The following MSL3 variants were observed in gnomAD, a reference collection of about 807,000 sequenced individuals.
MSL3 encodes MSL3-like 1.
Under a neutral mutation model 37.2 loss-of-function variants are expected in MSL3, and 5 were observed. The observed-to-expected ratio is 0.13, with a 90% CI of 0.07 to 0.28. MSL3 has a LOEUF of 0.28. Ranked by LOEUF, MSL3 falls within the 10% of genes least tolerant of loss-of-function variation. MSL3 has a pLI of 1.00. For missense variants in MSL3, 315 were observed against 408.5 expected, an observed-to-expected ratio of 0.77 and a Z score of 1.97; for synonymous variants, 149 against 147.6, an observed-to-expected ratio of 1.01 and a Z score of -0.07.
rs146886068 is a variant in MSL3 at position 11,766,669 on chromosome X, T to C, written c.1171+940T>C. The C allele has an allele frequency of 1.1e-3, 824 of 752,530 alleles. 5 individuals carry two copies. In the African/African-American group the frequency reaches 0.017, roughly 15 times the overall value. The allele number at this position is 752,530 out of a possible 1,213,427, so 62.0% of individuals were successfully genotyped here. A position where few individuals can be genotyped will look rare whatever the true frequency, so the allele number is the denominator to read the frequency against. On this transcript the variant is annotated intron_variant, in intron 9 of 12. Transcript: ENST00000312196. ...CCTGGTGCCTCGCGGGCTCAGTGAG[T>C]TAGGAAGTCAGCAGCAGGGGAGGCA... is the stretch of plus-strand genomic sequence containing the variant.
chrX:11,762,889 T>G lies in MSL3; in HGVS notation c.641T>G (p.Val214Gly). ...ATCATAACGATTTTGGAATCCTATG[T>G]GAAGCATTTTGCTATCAATGCAGCC... The part of the protein sequence containing the change: ...TNIITILESY[V>G]KHFAINAAFS... The change falls in exon 7 of 13, where the codon GTG (valine) becomes GGG (glycine). Residue 214 changes from valine (V) to glycine (G), a missense_variant. Coordinates refer to ENST00000312196, the MANE Select transcript of MSL3 (RefSeq NM_078629.4). 8.3e-7 allele frequency: 1 copy of G among 1,210,356 alleles called. No homozygotes were observed. Among genetic ancestry groups the G allele is most frequent in the Non-Finnish European group, 1.1e-6 (1 of 894,449 alleles).
chrX:11,760,352 G>T (rs6530452), intron 2 of MSL3, 51 bp from the exon 3 acceptor site: 150,623 of 903,739 alleles, frequency 0.17, 11,430 homozygotes, highest in African/African-American at 0.47. Context: ...ACTTTTAGTC[G>T]TTGTTTCATA....
intron 5 of MSL3, 103 bp downstream of exon 5, chrX:11,761,685 C>A (rs934093529): frequency 2.3e-6 from 1 of 439,462 alleles, no homozygotes; most frequent in African/African-American, 2.5e-5. Context: ...AAAGATACAT[C>A]TTTTAAACCA....
upstream of MSL3, chrX:11,758,192 G>C (rs992484555): frequency 3.8e-5 from 4 of 105,591 alleles, no homozygotes; most frequent in Non-Finnish European, 3.7e-5. Context: ...CCGCCTCCCC[G>C]CCCCCGCCCG....
intron 8 of MSL3, among the ~76,000 whole-genome samples, chrX:11,764,992 C>CTT (rs781059883): frequency 8.9e-6 from 1 of 112,942 alleles, no homozygotes; most frequent in Admixed American, 9.3e-5. Context: ...AACCCCAATG[C>CTT]TTTTCTTAGT....
intron 9 of MSL3, chrX:11,767,874 A>G: frequency 1.3e-6 from 1 of 752,884 alleles, no homozygotes; most frequent in Non-Finnish European, 1.6e-6. Flanking sequence ...TAAGTGGTTA[A>G]TAAGGATTGG....
At chrX:11,767,575 G>A (rs1439364704) in intron 9 of MSL3, 1 of 114,030 alleles carries the variant, frequency 8.8e-6, no homozygotes, top group Non-Finnish European at 1.8e-5. Context: ...CAGAGTCTAA[G>A]ACTGCAGTGA....
At chrX:11,762,313 G>A in intron 6 of MSL3, 61 bp downstream of exon 6, 1 of 999,521 alleles carries the variant, frequency 1.0e-6, no homozygotes, top group South Asian at 2.4e-5. Context: ...GCCATAGTTT[G>A]CAATCATAGA....
rs770484694 is a variant in MSL3 at position 11,762,208 on chromosome X, A to C, written c.544A>C (p.Lys182Gln). The C allele has an allele frequency of 8.5e-7, 1 of 1,170,256 alleles. No homozygotes were observed. Among genetic ancestry groups the C allele is most frequent in the South Asian group, 2.0e-5 (1 of 51,123 alleles). The change falls in exon 6 of 13, where the codon AAG becomes CAG. Residue 182 changes from lysine to glutamine, a missense_variant. Lys to Gln is a moderately conservative substitution (Grantham distance 53). Coordinates refer to ENST00000312196, the MANE Select transcript of MSL3 (RefSeq NM_078629.4). The part of the protein sequence containing the change: ...ITIEIPEVLK[K>Q]QLEDDCYYIN... ...TATAGAAATCCCTGAAGTTCTGAAG[A>C]AGCAGCTGGAGGATGATTGTTACTA...
chrX:11,763,008 G>A lies in MSL3; in HGVS notation c.749+11G>A, dbSNP rs141377902. 2 of 1,186,271 alleles carry A rather than the reference G, an allele frequency of 1.7e-6. No homozygotes were observed. Among genetic ancestry groups the A allele is most frequent in the East Asian group, 3.0e-5 (1 of 32,960 alleles). On this transcript the variant is annotated intron_variant, in intron 7 of 12. Coordinates refer to ENST00000312196, the MANE Select transcript of MSL3 (RefSeq NM_078629.4). Reference sequence around the variant, plus strand: ...CCCAGCAGAAAAGAAGTGAGTACTGGCATGTTTGGTGTTTTGTGGTTCTCT... The same window carrying A: ...CCCAGCAGAAAAGAAGTGAGTACTGACATGTTTGGTGTTTTGTGGTTCTCT...
At position 11,772,204 on chromosome X, in the gene MSL3, C is replaced by T; in HGVS notation, c.1330C>T (p.Pro444Ser). The T allele has an allele frequency of 1.7e-6, 2 of 1,210,132 alleles. No individual in the cohort carries two copies. Among genetic ancestry groups the T allele is most frequent in the South Asian group, 1.8e-5 (1 of 56,868 alleles). Residue 444 changes from proline to serine, a missense_variant, in exon 11 of 13, where the codon CCG (proline) becomes TCG (serine). Pro to Ser is a moderately conservative substitution (Grantham distance 74). Coordinates refer to ENST00000312196, the MANE Select transcript of MSL3 (RefSeq NM_078629.4). ...TGACAATTACCCCCCAGGTGACCAG[C>T]CGCCTCCACCCTCTTACATTTATGG... ...VPDNYPPGDQPPPPSYIYGAQ... is the reference protein window; with the variant it reads ...VPDNYPPGDQSPPPSYIYGAQ...
intron 1 of MSL3, 197 bp downstream of exon 1, chrX:11,758,562 C>A: frequency 9.0e-7 from 1 of 1,106,114 alleles, no homozygotes; most frequent in Non-Finnish European, 1.2e-6. Flanking sequence ...CTTCCACTTC[C>A]TTCCGTCAGG....
In MSL3 at chrX:11,768,593, T is replaced by G. The variant is rs1236605573; in HGVS notation, c.1192T>G (p.Ser398Ala). Residue 398 changes from serine to alanine, a missense_variant, in exon 10 of 13, where the codon TCA becomes GCA. By Grantham distance (99) the Ser-to-Ala change is moderately conservative. Coordinates refer to ENST00000312196, the MANE Select transcript of MSL3 (RefSeq NM_078629.4). Reference sequence around the variant, plus strand: ...GGAAGAGACACCTGTGCATAGCAGATCATCTTCACCTATTCCTCTGACTCC... The same window carrying G: ...GGAAGAGACACCTGTGCATAGCAGAGCATCTTCACCTATTCCTCTGACTCC... Reference protein sequence around the residue: ...LEKKTPVHSRSSSPIPLTPSK... With the variant: ...LEKKTPVHSRASSPIPLTPSK... 8.3e-7 allele frequency: 1 copy of G among 1,203,645 alleles called. No individual in the cohort carries two copies. The highest frequency in any genetic ancestry group is 1.1e-6 in the Non-Finnish European group (1 of 887,952).
chrX:11,762,093 G>A (rs2053138133), intron 5 of MSL3, 37 bp from the exon 6 acceptor site: 1 of 1,092,795 alleles, frequency 9.2e-7, no homozygotes, highest in African/African-American at 1.9e-5. Context: ...CTCTTCTACT[G>A]TTTTAAATAG....
chrX:11,771,810 AC>A (rs779992899), intron 10 of MSL3, among the ~76,000 whole-genome samples: 10 of 111,604 alleles, frequency 9.0e-5, no homozygotes, highest in Non-Finnish European at 1.1e-4. Context: ...CAAGCTCCCG[AC>A]CGCAGTTGAT....
intron 12 of MSL3, among the ~76,000 whole-genome samples, chrX:11,774,484 T>G (rs1429122125): frequency 6.3e-5 from 7 of 110,622 alleles, no homozygotes; most frequent in Admixed American, 1.9e-4. Flanking sequence ...CACGCCCAGC[T>G]AATTTTTTGT....
At chrX:11,767,197 G>C in intron 9 of MSL3, 2 of 754,399 alleles carry the variant, frequency 2.7e-6, no homozygotes, top group Non-Finnish European at 3.1e-6. Flanking sequence ...CTGATTCTTT[G>C]AAGATTGGGA....
At chrX:11,760,057 C>A in intron 2 of MSL3, 182 bp downstream of exon 2, 1 of 486,705 alleles carries the variant, frequency 2.1e-6, no homozygotes, top group Non-Finnish European at 3.2e-6. Context: ...CATTTCCTGT[C>A]TTTACTTTGT....
chrX:11,760,181 C>T, intron 2 of MSL3: 3 of 368,827 alleles, frequency 8.1e-6, no homozygotes, highest in Non-Finnish European at 1.4e-5. Flanking sequence ...ACTTTTAAGT[C>T]GATTGTATTT....
Sources: gnomAD v4.1 joint callset for allele counts (sites outside exome capture counted in the v4.1 genomes callset) on GRCh38, gnomAD v4.1.1 for gene constraint, MANE v1.5 for transcripts, NCBI Gene and HGNC (gene_info 2026-07-23, HGNC 2026-07-21) for gene names.